Variants in SHOC1 observed in about 807,000 individuals in gnomAD.
The protein encoded by SHOC1 is protein shortage in chiasmata 1 ortholog.
SHOC1 carries 136 observed loss-of-function variants against 179.2 expected under a neutral mutation model. That is an observed-to-expected ratio of 0.76 (90% confidence interval 0.66 to 0.87). The LOEUF (loss-of-function observed/expected upper bound fraction) is 0.87. SHOC1 is among the 40% of genes least tolerant of loss of function. The pLI is 0.00. For missense variants in SHOC1, 1,538 were observed against 1,700.8 expected, an observed-to-expected ratio of 0.90 and a Z score of 1.68; for synonymous variants, 489 against 586.6, an observed-to-expected ratio of 0.83 and a Z score of 2.41.
intron 23 of SHOC1, among the ~76,000 whole-genome samples, chr9:111,700,839 G>A (rs1010822448): frequency 1.3e-5 from 2 of 152,114 alleles, no homozygotes; most frequent in African/African-American, 4.8e-5. Context: ...GGCAGAGGGT[G>A]CCTACTTGAC....
chr9:111,748,949 A>T (rs1303411445), intron 8 of SHOC1, among the ~76,000 whole-genome samples: 3 of 109,266 alleles, frequency 2.7e-5, no homozygotes, highest in Admixed American at 1.0e-4. Context: ...TGTCTGACAC[A>T]TTTTGCCTAT....
intron 27 of SHOC1, among the ~76,000 whole-genome samples, chr9:111,690,043 A>C (rs1831358119): frequency 6.6e-6 from 1 of 152,174 alleles, no homozygotes; most frequent in African/African-American, 2.4e-5. Flanking sequence ...CAAATGTGAT[A>C]AGGCACAAAT....
intron 5 of SHOC1, among the ~76,000 whole-genome samples, chr9:111,763,222 A>G (rs774948142): frequency 3.9e-5 from 6 of 152,054 alleles, no homozygotes; most frequent in Non-Finnish European, 7.4e-5. Flanking sequence ...TAAATGAACA[A>G]TAGGAGATTC....
At chr9:111,713,220 T>C (rs1589395251) in intron 17 of SHOC1, 48 bp from the exon 18 acceptor site, 1 of 1,057,086 alleles carries the variant, frequency 9.5e-7, no homozygotes, top group Non-Finnish European at 1.4e-6. Context: ...TTATTCTTTT[T>C]CACAGTTTTG....
chr9:111,791,283 A>G, intron 2 of SHOC1, 91 bp downstream of exon 2: 1 of 618,466 alleles, frequency 1.6e-6, no homozygotes, highest in Non-Finnish European at 2.5e-6. Flanking sequence ...TAAGCATTTC[A>G]GATAAGGGAT....
At chr9:111,772,580 C>T (rs1835660415) in intron 5 of SHOC1, among the ~76,000 whole-genome samples, 5 of 152,208 alleles carry the variant, frequency 3.3e-5, no homozygotes, top group Admixed American at 3.3e-4. Context: ...CTTAGCAAAT[C>T]TTCACTACTA....
chr9:111,779,989 G>A (rs823640), intron 4 of SHOC1, among the ~76,000 whole-genome samples: 129,429 of 152,278 alleles, frequency 0.85, 55,558 homozygotes, highest in African/African-American at 0.96. Context: ...CTGCTTCCTC[G>A]CTGCTAGGAG....
intron 7 of SHOC1, 65 bp downstream of exon 7, chr9:111,758,019 A>G: frequency 1.3e-6 from 1 of 771,992 alleles, no homozygotes; most frequent in Non-Finnish European, 2.1e-6. Context: ...TGTATATTAC[A>G]CAAATTTTAC....
chr9:111,740,970 C>A (rs1357763006), intron 11 of SHOC1, among the ~76,000 whole-genome samples: 1 of 152,152 alleles, frequency 6.6e-6, no homozygotes, highest in Admixed American at 6.5e-5. Flanking sequence ...TCACTGCAAC[C>A]TCCGCCTCCC....
At chr9:111,699,312 C>G (rs908205302) in intron 24 of SHOC1, among the ~76,000 whole-genome samples, 5 of 152,102 alleles carry the variant, frequency 3.3e-5, no homozygotes, top group Non-Finnish European at 7.4e-5. Flanking sequence ...GGATGAGAAG[C>G]TGTGTTTTGG....
intron 19 of SHOC1, 134 bp from the exon 20 acceptor site, chr9:111,706,880 GT>G (rs1832303118): frequency 2.0e-6 from 1 of 499,190 alleles, no homozygotes. Context: ...GCACTGGTGC[GT>G]TTTCTGTTGA....
chr9:111,718,372 G>A (rs746748215), intron 15 of SHOC1, 84 bp from the exon 16 acceptor site: 48 of 819,078 alleles, frequency 5.9e-5, no homozygotes, highest in Non-Finnish European at 8.4e-5. Flanking sequence ...AATAATGGGA[G>A]CTAACATTTA....
At chr9:111,790,374 A>G (rs1039645038) in intron 2 of SHOC1, among the ~76,000 whole-genome samples, 2 of 152,214 alleles carry the variant, frequency 1.3e-5, no homozygotes, top group African/African-American at 4.8e-5. Flanking sequence ...TGCTATTAGT[A>G]TGATTTTATA....
chr9:111,699,455 T>C (rs1831859378), intron 24 of SHOC1, among the ~76,000 whole-genome samples: 1 of 152,148 alleles, frequency 6.6e-6, no homozygotes, highest in African/African-American at 2.4e-5. Context: ...GCAAAATCTG[T>C]GGGAATCTCT....
intron 16 of SHOC1, among the ~76,000 whole-genome samples, chr9:111,717,373 C>T (rs962926849): frequency 1.3e-5 from 2 of 152,100 alleles, no homozygotes; most frequent in African/African-American, 4.8e-5. Context: ...GCGGGTGGAT[C>T]ACCTGAGGTC....
At chr9:111,732,087 A>G (rs1370037067) in intron 12 of SHOC1, among the ~76,000 whole-genome samples, 3 of 152,338 alleles carry the variant, frequency 2.0e-5, no homozygotes, top group African/African-American at 7.2e-5. Flanking sequence ...TTAAAACCAC[A>G]ATGAAATAAC....
intron 3 of SHOC1, chr9:111,781,252 T>C (rs151255413): frequency 6.9e-5 from 29 of 418,542 alleles, no homozygotes; most frequent in Middle Eastern, 1.3e-3. Context: ...ATCACCCTCA[T>C]TTTATAGCCT....
chr9:111,759,649 T>A, intron 5 of SHOC1: 1 of 796,586 alleles, frequency 1.3e-6, no homozygotes, highest in Non-Finnish European at 1.5e-6. Context: ...GAAGAACTAC[T>A]CAAAAAGCCA....
intron 3 of SHOC1, 34 bp from the exon 4 acceptor site, chr9:111,781,051 A>G: frequency 6.1e-6 from 9 of 1,481,958 alleles, no homozygotes; most frequent in Non-Finnish European, 8.4e-6. Flanking sequence ...TAATGTCTAG[A>G]ATTTTCTTTT....
Sources: allele counts gnomAD v4.1 joint callset (sites outside exome capture counted in the v4.1 genomes callset), GRCh38; gene constraint gnomAD v4.1.1; transcripts MANE v1.5; gene names NCBI Gene and HGNC (gene_info 2026-07-23, HGNC 2026-07-21).